Variants in MED13L observed in about 807,000 individuals in gnomAD.
MED13L encodes the protein mediator of RNA polymerase II transcription subunit 13-like.
In MED13L, 7 loss-of-function variants were observed where a neutral mutation model predicts 220.9. The observed-to-expected ratio is 0.03, with a 90% CI of 0.02 to 0.06. MED13L has a LOEUF of 0.06. Ranked by LOEUF, MED13L falls within the 10% of genes least tolerant of loss-of-function variation. The pLI, the probability that MED13L is intolerant of heterozygous loss-of-function variation, is 1.00. For synonymous variants in MED13L, 1,011 were observed against 1,015.2 expected, an observed-to-expected ratio of 1.00 and a Z score of 0.08; for missense variants, 1,965 against 2,760.5, an observed-to-expected ratio of 0.71 and a Z score of 6.46.
At chr12:116,087,718 T>C (rs879198180) in intron 4 of MED13L, among the ~76,000 whole-genome samples, 1 of 152,182 alleles carries the variant, frequency 6.6e-6, no homozygotes, top group Non-Finnish European at 1.5e-5. Context: ...GTCTGTCTCA[T>C]TTCTCATCAT....
At chr12:116,106,998 T>C (rs1208153714) in intron 3 of MED13L, among the ~76,000 whole-genome samples, 1 of 152,198 alleles carries the variant, frequency 6.6e-6, no homozygotes, top group East Asian at 1.9e-4. Context: ...AGTTAACCAC[T>C]TATTGAGCTC....
Position 115,991,891 on chromosome 12 carries a change from G to A in MED13L, c.3063C>T (p.Pro1021=), listed in dbSNP as rs142191700. 54 of 1,601,990 alleles carry A rather than the reference G, an allele frequency of 3.4e-5. No homozygotes were observed. Among genetic ancestry groups the A allele is most frequent in the African/African-American group, 2.1e-4 (16 of 74,840 alleles). ...CTGGGGCAGCGCTGTTCAACGTCAC[G>A]GGTGTGTTCATCTGTGGTGTGTTCA... ...DYLNTPQMNT[P]VTLNSAAPAS... The change falls in exon 17 of 31, where the codon CCC becomes CCT. Residue 1021 remains proline, a synonymous_variant. Coordinates refer to ENST00000281928, the MANE Select transcript of MED13L (RefSeq NM_015335.5). This position sits in a 1 kb window ranked among gnomAD's most constrained non-coding sequence, Gnocchi z 7.7.
intron 3 of MED13L, among the ~76,000 whole-genome samples, chr12:116,103,771 C>A (rs1025785909): frequency 6.6e-6 from 1 of 152,090 alleles, no homozygotes; most frequent in African/African-American, 2.4e-5. Flanking sequence ...AGTATATGCT[C>A]CTTAAGTCTA....
intron 4 of MED13L, among the ~76,000 whole-genome samples, chr12:116,076,717 G>A (rs1354863904): frequency 1.3e-5 from 2 of 152,118 alleles, no homozygotes; most frequent in Non-Finnish European, 2.9e-5. Context: ...TTGTTTTTGA[G>A]GGTTTTTTAA....
At chr12:116,020,004 A>T in intron 5 of MED13L, 32 bp from the exon 6 acceptor site, 1 of 1,579,584 alleles carries the variant, frequency 6.3e-7, no homozygotes, top group Non-Finnish European at 8.7e-7. Flanking sequence ...CATGCTAAAC[A>T]TTAGAGAAAT....
chr12:116,050,106 TA>T (rs1160860255), intron 4 of MED13L, among the ~76,000 whole-genome samples: 3 of 152,288 alleles, frequency 2.0e-5, no homozygotes, highest in African/African-American at 7.2e-5. Flanking sequence ...AATGTTCTGT[TA>T]AAGCCCAAAA....
chr12:116,035,599 AATTT>A (rs1360265683), intron 4 of MED13L, among the ~76,000 whole-genome samples: 1 of 151,776 alleles, frequency 6.6e-6, no homozygotes, highest in African/African-American at 2.4e-5. Context: ...TTAATTAATT[AATTT>A]ATTTAGAGAC....
chr12:115,975,593 C>T lies in MED13L; in HGVS notation c.5510G>A (p.Arg1837His), dbSNP rs565032784. The change falls in exon 24 of 31, where the codon CGC (arginine) becomes CAC (histidine). Residue 1837 changes from arginine to histidine, a missense_variant. Arg to His is a conservative substitution (Grantham distance 29). Transcript: ENST00000281928. Reference protein sequence around the residue: ...FVGYCLSHDQRWLLASCTDLH... With the variant: ...FVGYCLSHDQHWLLASCTDLH... ...GTCAGTGCAGGAAGCCAAAAGCCAG[C>T]GCTGGTCGTGAGACAGACAATAGCC... is the stretch of plus-strand genomic sequence containing the variant. 27 of 1,614,016 alleles carry T rather than the reference C, an allele frequency of 1.7e-5. No homozygotes were observed. Among genetic ancestry groups the T allele is most frequent in the Non-Finnish European group, 2.2e-5 (26 of 1,180,020 alleles).
chr12:116,107,529 C>T (rs1385217775), intron 3 of MED13L, among the ~76,000 whole-genome samples: 1 of 152,170 alleles, frequency 6.6e-6, no homozygotes, highest in Non-Finnish European at 1.5e-5. Context: ...TTTTCAATAA[C>T]TCACTTCAGT....
At chr12:116,254,406 T>C (rs990758290) in intron 1 of MED13L, among the ~76,000 whole-genome samples, 1 of 151,938 alleles carries the variant, frequency 6.6e-6, no homozygotes, top group Non-Finnish European at 1.5e-5. Flanking sequence ...AGAATCAATA[T>C]CCAAAAATTA....
chr12:116,232,266 C>A, intron 2 of MED13L: 1 of 236,036 alleles, frequency 4.2e-6, no homozygotes, highest in Non-Finnish European at 6.9e-6. Flanking sequence ...ACTTCTGATA[C>A]TGTTATAGGG....
intron 2 of MED13L, among the ~76,000 whole-genome samples, chr12:116,128,655 T>C (rs993873573): frequency 4.5e-4 from 69 of 152,226 alleles, no homozygotes; most frequent in African/African-American, 1.6e-3. Context: ...TTATCAACTC[T>C]ATAGGCTATT....
intron 1 of MED13L, among the ~76,000 whole-genome samples, chr12:116,261,482 A>C (rs1872514529): frequency 6.6e-6 from 1 of 150,524 alleles, no homozygotes; most frequent in Non-Finnish European, 1.5e-5. Flanking sequence ...GGGCAACAGA[A>C]ACTCAGTCTC....
chr12:116,083,944 CACA>C (rs1280769862), intron 4 of MED13L, among the ~76,000 whole-genome samples: 1 of 152,154 alleles, frequency 6.6e-6, no homozygotes, highest in East Asian at 1.9e-4. Flanking sequence ...ATGAAGACTA[CACA>C]ATGATGTAGC....
At chr12:116,150,670 T>G (rs1877967619) in intron 2 of MED13L, among the ~76,000 whole-genome samples, 1 of 152,194 alleles carries the variant, frequency 6.6e-6, no homozygotes, top group Non-Finnish European at 1.5e-5. Context: ...CATTCTCACA[T>G]CTGGCATTTC....
rs535136745 is a variant in MED13L, at chr12:115,980,819, C to T, written c.5295G>A (p.Gln1765=). The change falls in exon 23 of 31, where the codon CAG becomes CAA. Residue 1765 remains glutamine (Q), a synonymous_variant. Coordinates refer to ENST00000281928, the MANE Select transcript of MED13L (RefSeq NM_015335.5). ...ATCCCGTGAGGGATTTAATGTGGATCTGTGTAGGCAGTGGTCGCCTGCACT... is the reference window on the plus strand; with the variant it reads ...ATCCCGTGAGGGATTTAATGTGGATTTGTGTAGGCAGTGGTCGCCTGCACT... ...YCQCRRPLPT[Q]IHIKSLTGFG... is the part of the protein sequence containing the mutation. 3.9e-5 allele frequency: 63 copies of T among 1,614,086 alleles called. No individual in the cohort carries two copies. Among genetic ancestry groups the T allele is most frequent in the Admixed American group, 5.0e-5 (3 of 60,028 alleles).
intron 7 of MED13L, among the ~76,000 whole-genome samples, chr12:116,018,733 C>T (rs115751676): frequency 1.4e-3 from 214 of 152,190 alleles, no homozygotes; most frequent in African/African-American, 5.0e-3. Context: ...AATGCAGACA[C>T]TTTACTGACA....
At chr12:116,210,590 T>C (rs895200570) in intron 2 of MED13L, among the ~76,000 whole-genome samples, 1 of 145,292 alleles carries the variant, frequency 6.9e-6, no homozygotes, top group Non-Finnish European at 1.5e-5. Flanking sequence ...TATATTTCTA[T>C]AGTGGTATCA....
Position 115,991,895 on chromosome 12 carries a change from G to A in MED13L, c.3059C>T (p.Thr1020Ile). The A allele has an allele frequency of 1.2e-6, 2 of 1,601,422 alleles. No homozygotes were observed. The highest frequency in any genetic ancestry group is 1.7e-6 in the Non-Finnish European group (2 of 1,179,928). Residue 1020 changes from threonine to isoleucine, a missense_variant, in exon 17 of 31, where the codon ACA becomes ATA. By Grantham distance (89) the Thr-to-Ile change is moderately conservative. Coordinates refer to ENST00000281928, the MANE Select transcript of MED13L (RefSeq NM_015335.5). This position sits in a 1 kb window ranked among gnomAD's most constrained non-coding sequence, Gnocchi z 7.7. ...GGCAGCGCTGTTCAACGTCACGGGT[G>A]TGTTCATCTGTGGTGTGTTCAGATA... ...PDYLNTPQMN[T>I]PVTLNSAAPA...
Sources: gnomAD v4.1 joint callset for allele counts (sites outside exome capture counted in the v4.1 genomes callset) on GRCh38, gnomAD v4.1.1 for gene constraint, Gnocchi (gnomAD v3.1) non-coding constraint, MANE v1.5 for transcripts, NCBI Gene and HGNC (gene_info 2026-07-23, HGNC 2026-07-21) for gene names.